Variants in ZFR2 observed in about 807,000 individuals in gnomAD.
ZFR2 encodes zinc finger RNA-binding protein 2.
ZFR2 carries 104 observed loss-of-function variants against 105.7 expected under a neutral mutation model. The observed-to-expected ratio is 0.98, with a 90% CI of 0.84 to 1.16. ZFR2 has a LOEUF of 1.16. Ranked by LOEUF, ZFR2 falls within the 50% of genes most tolerant of loss-of-function variation. ZFR2 has a pLI of 0.00. For synonymous variants in ZFR2, 634 were observed against 597.7 expected (o/e 1.06, Z -0.89); for missense variants, 1,425 against 1,355.5 (o/e 1.05, Z -0.80).
chr19:3,855,432 T>A, intron 1 of ZFR2: 1 of 1,231,688 alleles, frequency 8.1e-7, no homozygotes, highest in Non-Finnish European at 1.0e-6. Flanking sequence ...TCCCGGGCGA[T>A]CCGGCGGCAG....
chr19:3,863,544 C>T (rs1234169422), intron 1 of ZFR2, among the ~76,000 whole-genome samples: 4 of 152,306 alleles, frequency 2.6e-5, no homozygotes, highest in African/African-American at 7.2e-5. Flanking sequence ...CCTCCCTCCT[C>T]GGCCTCCCAA....
In ZFR2 at chr19:3,827,459, G is replaced by T; in HGVS notation, c.1035+12C>A. ...CCCAGGGTGGCAGAGCCTGGGCCGG[G>T]CGGGGCCGTACCTTCTGGTGCTTGG... On this transcript the variant is annotated intron_variant, in intron 6 of 18. Coordinates refer to ENST00000262961, the MANE Select transcript of ZFR2 (RefSeq NM_015174.2). The T allele has an allele frequency of 1.3e-6, 2 of 1,529,126 alleles. No individual in the cohort carries two copies. Among genetic ancestry groups the T allele is most frequent in the Non-Finnish European group, 1.8e-6 (2 of 1,137,714 alleles). The allele number at this position is 1,529,126 out of a possible 1,614,324, so 94.7% of individuals were successfully genotyped here. A position where few individuals can be genotyped will look rare whatever the true frequency, so the allele number is the denominator to read the frequency against.
At chr19:3,843,135 G>A (rs1042344082) in intron 1 of ZFR2, among the ~76,000 whole-genome samples, 2 of 152,200 alleles carry the variant, frequency 1.3e-5, no homozygotes, top group Non-Finnish European at 2.9e-5. Flanking sequence ...CAGCAGCACT[G>A]TTCACAGTGG....
intron 1 of ZFR2, among the ~76,000 whole-genome samples, chr19:3,848,039 T>C (rs1484477403): frequency 6.6e-6 from 1 of 152,208 alleles, no homozygotes; most frequent in African/African-American, 2.4e-5. Context: ...GCCCAAGATA[T>C]AGTGCAGGGG....
chr19:3,856,364 A>T (rs901116430), intron 1 of ZFR2, among the ~76,000 whole-genome samples: 6 of 152,164 alleles, frequency 3.9e-5, no homozygotes, highest in Non-Finnish European at 8.8e-5. Flanking sequence ...CCTGCGCTGG[A>T]GTCAGAAACT....
chr19:3,810,951 C>A, intron 15 of ZFR2, 106 bp from the exon 16 acceptor site: 1 of 1,274,286 alleles, frequency 7.8e-7, no homozygotes, highest in South Asian at 1.4e-5. Flanking sequence ...AATAGGGAGC[C>A]TGGCGGGCCT....
chr19:3,819,199 C>T lies in ZFR2; in HGVS notation c.1777G>A (p.Val593Ile), dbSNP rs1355352310. The change falls in exon 12 of 19, where the codon GTC (valine) becomes ATC (isoleucine). Residue 593 changes from valine to isoleucine, a missense_variant. Physicochemically the swap from Val to Ile is conservative, Grantham distance 29. Transcript: ENST00000262961. ...TAGATGGTGGCGTGCTTGCACATGA[C>T]GTGCCGGTCGTCGCTGGACGCCGGC... ...RRPASSDDRH[V>I]MCKHATIYPT... 8.3e-6 allele frequency: 13 copies of T among 1,575,648 alleles called. No individual in the cohort carries two copies. The highest frequency in any genetic ancestry group is 3.4e-5 in the South Asian group (3 of 88,598).
rs1471380769 is a variant in ZFR2, at chr19:3,821,431, C to A, written c.1540G>T (p.Ala514Ser). 2 of 1,610,354 alleles carry A rather than the reference C, an allele frequency of 1.2e-6. No individual in the cohort carries two copies. Among genetic ancestry groups the A allele is most frequent in the South Asian group, 2.2e-5 (2 of 90,936 alleles). The change falls in exon 10 of 19, where the codon GCT becomes TCT. Residue 514 changes from alanine to serine, a missense_variant. Physicochemically the swap from Ala to Ser is moderately conservative, Grantham distance 99. Coordinates refer to ENST00000262961, the MANE Select transcript of ZFR2 (RefSeq NM_015174.2). ...LPIATEPSSRARKVLEERMRK... is the reference protein window; with the variant it reads ...LPIATEPSSRSRKVLEERMRK... ...ATGCGCTCCTCCAGGACCTTCCGAG[C>A]CCGGCTGCTGGGCTCCGTGGCAATG...
At position 3,816,719 on chromosome 19, in the gene ZFR2, G is replaced by A. The variant is rs373853192; in HGVS notation, c.2058C>T (p.His686=). Residue 686 remains histidine, a synonymous_variant, in exon 13 of 19, where the codon CAC becomes CAT. Coordinates refer to ENST00000262961, the MANE Select transcript of ZFR2 (RefSeq NM_015174.2). ...GCTGGGCGATCCTCCGCAGCAGGCT[G>A]TGCGTGGGCTTCTCGGAGCAGAGCA... is the stretch of plus-strand genomic sequence containing the variant. ...LALLCSEKPT[H]SLLRRIAQQL... The A allele has an allele frequency of 2.9e-5, 46 of 1,612,488 alleles. No homozygotes were observed. In the South Asian group the frequency reaches 3.2e-4, roughly 11 times the overall value.
intron 17 of ZFR2, among the ~76,000 whole-genome samples, chr19:3,808,194 C>G (rs2037723109): frequency 7.2e-6 from 1 of 138,122 alleles, no homozygotes; most frequent in African/African-American, 2.7e-5. Context: ...CATGCACGTG[C>G]CTGTGTATGT....
chr19:3,855,616 G>A (rs961350311), intron 1 of ZFR2: 1 of 449,646 alleles, frequency 2.2e-6, no homozygotes, highest in African/African-American at 2.0e-5. Flanking sequence ...GCGATCTGAT[G>A]GTTCTCATGC....
chr19:3,828,040 C>T (rs559027226), intron 5 of ZFR2, among the ~76,000 whole-genome samples: 34 of 152,066 alleles, frequency 2.2e-4, no homozygotes, highest in Admixed American at 5.2e-4. Context: ...AAGCTGGTCT[C>T]GAACTCCTGA....
At chr19:3,807,311 C>T (rs10424017) in intron 17 of ZFR2, 42 bp from the exon 18 acceptor site, 2 of 1,456,872 alleles carry the variant, frequency 1.4e-6, no homozygotes, top group Non-Finnish European at 9.4e-7. Context: ...GGCGAGAATG[C>T]CCTCGTGAAA....
chr19:3,855,579 G>A (rs1015238587), intron 1 of ZFR2: 14 of 604,900 alleles, frequency 2.3e-5, no homozygotes, highest in East Asian at 3.5e-5. Flanking sequence ...AGTCCAGGGA[G>A]ACACGGGGTC....
chr19:3,866,622 C>G (rs370916655), intron 1 of ZFR2, among the ~76,000 whole-genome samples: 12 of 152,186 alleles, frequency 7.9e-5, no homozygotes, highest in East Asian at 7.7e-4. Context: ...ATTTTAATAG[C>G]AAGCATAATA....
Position 3,805,198 on chromosome 19 carries a change from C to G in ZFR2, c.*751G>C, listed in dbSNP as rs1335798580. On this transcript the variant is annotated 3_prime_UTR_variant, in exon 19 of 19. Coordinates refer to ENST00000262961, the MANE Select transcript of ZFR2 (RefSeq NM_015174.2). ...AGAGGAAGTATTTTAAAACCCCTTC[C>G]TGTACCACGAGGTGAGTTTAGAGCC... is the stretch of plus-strand genomic sequence containing the variant. 1 of 151,990 alleles carries G rather than the reference C, an allele frequency of 6.6e-6. No homozygotes were observed. Among genetic ancestry groups the G allele is most frequent in the African/African-American group, 2.4e-5 (1 of 41,364 alleles). 9.4% of individuals were successfully genotyped at this position (151,990 alleles called of 1,614,324 possible). A position where few individuals can be genotyped will look rare whatever the true frequency, so the allele number is the denominator to read the frequency against.
At position 3,811,294 on chromosome 19, in the gene ZFR2, A is replaced by T. The variant is rs1455975145; in HGVS notation, c.2315T>A (p.Leu772His). The T allele has an allele frequency of 6.2e-7, 1 of 1,601,142 alleles. No homozygotes were observed. The highest frequency in any genetic ancestry group is 8.5e-7 in the Non-Finnish European group (1 of 1,174,766). Reference protein sequence around the residue: ...PKKCLESLAALRHARWFQARA... With the variant: ...PKKCLESLAAHRHARWFQARA... ...GACCTGAAACCACCTGGCATGACGG[A>T]GGGCGGCCAGGGACTCGAGGCACTT... is the stretch of plus-strand genomic sequence containing the variant. Residue 772 changes from leucine (L) to histidine (H), a missense_variant, in exon 15 of 19, where the codon CTC becomes CAC. Transcript: ENST00000262961.
intron 18 of ZFR2, among the ~76,000 whole-genome samples, chr19:3,806,658 C>T (rs2037700232): frequency 6.6e-6 from 1 of 152,218 alleles, no homozygotes; most frequent in African/African-American, 2.4e-5. Context: ...AGGAGGCCCC[C>T]CCGCTCCACT....
chr19:3,832,936 G>A lies in ZFR2; in HGVS notation c.379+728C>T, dbSNP rs992770813. On this transcript the variant is annotated intron_variant, in intron 3 of 18. Coordinates refer to ENST00000262961, the MANE Select transcript of ZFR2 (RefSeq NM_015174.2). Reference sequence around the variant, plus strand: ...ATTACAGGCGTGAGCCACCGTGCCCGGCCTCTAGGATGGTTAACATGTAAC... The same window carrying A: ...ATTACAGGCGTGAGCCACCGTGCCCAGCCTCTAGGATGGTTAACATGTAAC... 6.2e-5 allele frequency among the ~76,000 whole-genome samples: 9 copies of A among 146,070 alleles called. No homozygotes were observed. In the South Asian group the frequency reaches 7.5e-4, roughly 12 times the overall value.
Sources: gnomAD v4.1 joint callset for allele counts (sites outside exome capture counted in the v4.1 genomes callset) on GRCh38, gnomAD v4.1.1 for gene constraint, MANE v1.5 for transcripts, NCBI Gene and HGNC (gene_info 2026-07-23, HGNC 2026-07-21) for gene names.